The following PCDHA8 variants were observed in gnomAD, a reference collection of about 807,000 sequenced individuals.
PCDHA8 encodes protocadherin alpha-8.
Under a neutral mutation model 61.8 loss-of-function variants are expected in PCDHA8, and 53 were observed. The observed-to-expected ratio is 0.86, with a 90% CI of 0.69 to 1.08. PCDHA8 has a LOEUF of 1.08. PCDHA8 is among the 50% of genes least tolerant of loss of function. The probability of loss-of-function intolerance (pLI) is 0.00; values close to 1 mark genes in which losing one functional copy is unlikely to be tolerated. For missense variants in PCDHA8, 1,293 were observed against 1,245.0 expected (o/e 1.04, Z -0.58); for synonymous variants, 618 against 556.6 (o/e 1.11, Z -1.55).
chr5:140,843,822 A>G (rs1455613336), intron 1 of PCDHA8, 107 bp downstream of exon 1: 2 of 1,214,208 alleles, frequency 1.6e-6, no homozygotes, highest in African/African-American at 1.5e-5. Flanking sequence ...GTGAAAATTT[A>G]AACATTGTTT....
At chr5:140,978,424 TCA>T (rs2096801674) in intron 1 of PCDHA8, among the ~76,000 whole-genome samples, 1 of 152,238 alleles carries the variant, frequency 6.6e-6, no homozygotes, top group Non-Finnish European at 1.5e-5. Flanking sequence ...GAGACTGTTA[TCA>T]GTTGCTGGTG....
At chr5:140,917,519 T>C (rs1554198226) in intron 1 of PCDHA8, among the ~76,000 whole-genome samples, 1 of 152,256 alleles carries the variant, frequency 6.6e-6, no homozygotes, top group East Asian at 1.9e-4. Context: ...GGTTTTATTC[T>C]ACGGTTTGTA....
chr5:140,996,301 AC>A (rs1306218777), intron 3 of PCDHA8, among the ~76,000 whole-genome samples: 1 of 152,240 alleles, frequency 6.6e-6, no homozygotes, highest in African/African-American at 2.4e-5. Context: ...ACAGATTGTA[AC>A]AAAGTAAGGG....
intron 1 of PCDHA8, among the ~76,000 whole-genome samples, chr5:140,943,373 A>G (rs1554215633): frequency 6.6e-6 from 1 of 152,128 alleles, no homozygotes; most frequent in East Asian, 1.9e-4. Flanking sequence ...TCATTAAAAT[A>G]TACAGGTAAG....
At chr5:140,967,524 A>G in intron 1 of PCDHA8, 1 of 1,612,564 alleles carries the variant, frequency 6.2e-7, no homozygotes, top group Non-Finnish European at 8.5e-7. Context: ...ACTAACGACA[A>G]CTCTCCTGCC....
At chr5:140,967,652 T>A in intron 1 of PCDHA8, 1 of 1,614,152 alleles carries the variant, frequency 6.2e-7, no homozygotes, top group South Asian at 1.1e-5. Flanking sequence ...CAGGTACTCC[T>A]TGAGCAGCTA....
intron 1 of PCDHA8, chr5:140,868,773 G>A (rs1343929561): frequency 7.6e-6 from 2 of 262,984 alleles, no homozygotes; most frequent in African/African-American, 4.4e-5. Flanking sequence ...GTTTCAATAT[G>A]ACTTATAATC....
Position 140,927,704 on chromosome 5 carries a change from C to T in PCDHA8, c.2395-51245C>T, listed in dbSNP as rs782172290. ...GGGTCCAATGGGGAAGTCCAGTACT[C>T]CCTAAGCAACAGCACGCAAGCAGAG... On this transcript the variant is annotated intron_variant, in intron 1 of 3. Coordinates refer to ENST00000531613, the MANE Select transcript of PCDHA8 (RefSeq NM_018911.3). 6.2e-6 allele frequency: 10 copies of T among 1,614,072 alleles called. No homozygotes were observed. In the Admixed American group the frequency reaches 1.2e-4, roughly 19 times the overall value.
chr5:140,928,698 G>A, intron 1 of PCDHA8: 1 of 1,614,148 alleles, frequency 6.2e-7, no homozygotes, highest in East Asian at 2.2e-5. Context: ...ACATCTCCCG[G>A]GCGTCTGACT....
At chr5:140,844,621 A>C (rs1357757740) in intron 1 of PCDHA8, among the ~76,000 whole-genome samples, 5 of 149,558 alleles carry the variant, frequency 3.3e-5, no homozygotes, top group African/African-American at 9.8e-5. Context: ...TGTTTTCATC[A>C]GAAAAACTAT....
chr5:140,886,945 A>T (rs2061235497), intron 1 of PCDHA8, among the ~76,000 whole-genome samples: 1 of 152,148 alleles, frequency 6.6e-6, no homozygotes, highest in Admixed American at 6.5e-5. Flanking sequence ...TGTTCTACAC[A>T]TTAGACATTT....
intron 1 of PCDHA8, among the ~76,000 whole-genome samples, chr5:140,920,557 G>A (rs1554199669): frequency 6.6e-6 from 1 of 152,158 alleles, no homozygotes; most frequent in African/African-American, 2.4e-5. Flanking sequence ...TCGAAGTGTG[G>A]CCCTTAGGCC....
rs782355791 is a variant in PCDHA8, at chr5:140,982,576, G to A, written c.2542+13G>A. The A allele has an allele frequency of 5.6e-6, 9 of 1,613,152 alleles. No homozygotes were observed. In the Admixed American group the frequency reaches 6.7e-5, roughly 12 times the overall value. ...AGTGCAACACCAGGTAAAGAGCTGG[G>A]GTCTCTCCATTCTTTCTTGGTTTCT... On this transcript the variant is annotated intron_variant, in intron 3 of 3. Transcript: ENST00000531613.
At position 140,926,724 on chromosome 5, in the gene PCDHA8, G is replaced by C. The variant is rs376759295; in HGVS notation, c.2395-52225G>C. 1.5e-5 allele frequency: 15 copies of C among 1,034,056 alleles called. No homozygotes were observed. In the East Asian group the frequency reaches 2.4e-4, roughly 17 times the overall value. 64.1% of individuals were successfully genotyped at this position (1,034,056 alleles called of 1,614,324 possible). On this transcript the variant is annotated intron_variant, in intron 1 of 3. Transcript: ENST00000531613. ...CCAGCTGGCCAGCCCCGGCAATGCC[G>C]GCGTTCGGGAGGCGCAACGTCGGCG...
intron 1 of PCDHA8, chr5:140,881,384 G>T (rs1299609025): frequency 2.0e-6 from 2 of 984,186 alleles, no homozygotes; most frequent in Non-Finnish European, 2.4e-6. Flanking sequence ...GCCGGCGGCG[G>T]TAAGTTAAAT....
intron 3 of PCDHA8, among the ~76,000 whole-genome samples, chr5:140,987,599 C>T (rs1475170913): frequency 1.3e-5 from 2 of 152,086 alleles, no homozygotes; most frequent in Non-Finnish European, 2.9e-5. Context: ...GTGGTGTCTA[C>T]CTTATAGGGT....
intron 1 of PCDHA8, among the ~76,000 whole-genome samples, chr5:140,916,951 G>A (rs1197063390): frequency 6.6e-6 from 1 of 152,210 alleles, no homozygotes; most frequent in Non-Finnish European, 1.5e-5. Context: ...GAGGCTTGCT[G>A]AGTTCTGACT....
chr5:141,007,084 AAG>A lies in PCDHA8; in HGVS notation c.2543-2538_2543-2537del, dbSNP rs576927752. On this transcript the variant is annotated intron_variant, in intron 3 of 3. Transcript: ENST00000531613. ...AGGAGAGAGTGAAGAGAAAATAGAG[AAG>A]AGAGTCTAGGGCCAAACCCAAGGAA... Among the ~76,000 whole-genome samples, 32 of 152,274 alleles carry A rather than the reference AAG, an allele frequency of 2.1e-4. No individual in the cohort carries two copies. The East Asian group carries it at 3.3e-3, about 16-fold the overall frequency.
intron 1 of PCDHA8, among the ~76,000 whole-genome samples, chr5:140,921,992 C>A (rs963694302): frequency 6.6e-6 from 1 of 151,842 alleles, no homozygotes; most frequent in South Asian, 2.1e-4. Context: ...AAAAAGAGTT[C>A]AATGAAATGA....
Sources: gnomAD v4.1 joint callset for allele counts (sites outside exome capture counted in the v4.1 genomes callset) on GRCh38, gnomAD v4.1.1 for gene constraint, MANE v1.5 for transcripts, NCBI Gene and HGNC (gene_info 2026-07-23, HGNC 2026-07-21) for gene names.